NYAP2: variants seen among roughly 807,000 people sequenced by gnomAD.
NYAP2 encodes neuronal tyrosine-phosphorylated phosphoinositide-3-kinase adaptor 2, also known as neuronal tyrosine-phosphorylated phosphoinositide-3-kinase adapter 2.
In NYAP2, 23 loss-of-function variants were observed where a neutral mutation model predicts 50.4. The ratio of observed to expected loss-of-function variants is 0.46; its 90% CI spans 0.33 to 0.65. The LOEUF (loss-of-function observed/expected upper bound fraction) is 0.65, where lower values mean the gene tolerates loss of function less well. NYAP2 is among the 30% of genes least tolerant of loss of function. The probability of loss-of-function intolerance (pLI) is 0.02; values close to 1 mark genes in which losing one functional copy is unlikely to be tolerated. For synonymous variants in NYAP2, 394 were observed against 365.2 expected (o/e 1.08, Z -0.90); for missense variants, 885 against 861.0 (o/e 1.03, Z -0.35).
At chr2:225,559,424 G>T (rs1339343903) in intron 4 of NYAP2, among the ~76,000 whole-genome samples, 1 of 151,938 alleles carries the variant, frequency 6.6e-6, no homozygotes, top group Non-Finnish European at 1.5e-5. Context: ...AGAAAAAGCA[G>T]AAATATTTCT....
chr2:225,439,263 C>A (rs1458329054), intron 3 of NYAP2, among the ~76,000 whole-genome samples: 2 of 152,126 alleles, frequency 1.3e-5, no homozygotes, highest in Admixed American at 1.3e-4. Context: ...ATCATGGATT[C>A]TAAGCCAAAT....
the NYAP2 span, among the ~76,000 whole-genome samples, chr2:225,694,521 C>T: frequency 6.6e-6 from 1 of 151,556 alleles, no homozygotes; most frequent in Admixed American, 6.6e-5. Flanking sequence ...TGGAAATGGC[C>T]ACAGTAGCAA....
the NYAP2 span, chr2:225,701,468 C>T: frequency 2.0e-5 from 3 of 151,656 alleles, no homozygotes; most frequent in Non-Finnish European, 4.4e-5. Flanking sequence ...ATATGTGAAA[C>T]ACTCCTTAGC....
chr2:225,486,942 G>T (rs1690310678), intron 3 of NYAP2, among the ~76,000 whole-genome samples: 1 of 152,192 alleles, frequency 6.6e-6, no homozygotes, highest in African/African-American at 2.4e-5. Context: ...AGCCAGTAGT[G>T]CAGGAGAACA....
intron 3 of NYAP2, among the ~76,000 whole-genome samples, chr2:225,490,831 G>A: frequency 6.6e-6 from 1 of 152,202 alleles, no homozygotes; most frequent in East Asian, 1.9e-4. Context: ...TCCGTGACCT[G>A]AATGCTGCTG....
intron 3 of NYAP2, among the ~76,000 whole-genome samples, chr2:225,453,985 A>AT (rs1197985467): frequency 6.6e-6 from 1 of 151,556 alleles, no homozygotes; most frequent in Non-Finnish European, 1.5e-5. Context: ...CCATCTATTA[A>AT]TTTTTTTATA....
chr2:225,586,939 T>TG (rs932657511), intron 5 of NYAP2, among the ~76,000 whole-genome samples: 4 of 152,214 alleles, frequency 2.6e-5, no homozygotes, highest in Non-Finnish European at 2.9e-5. Flanking sequence ...TCCACATGGC[T>TG]GGGGAGGCCT....
At chr2:225,471,828 A>T (rs1277584247) in intron 3 of NYAP2, among the ~76,000 whole-genome samples, 1 of 152,190 alleles carries the variant, frequency 6.6e-6, no homozygotes, top group Non-Finnish European at 1.5e-5. Context: ...TCAAAGCCAT[A>T]TTCAGCTATC....
chr2:225,429,363 T>G (rs957527049), intron 3 of NYAP2, among the ~76,000 whole-genome samples: 2 of 152,234 alleles, frequency 1.3e-5, no homozygotes, highest in African/African-American at 4.8e-5. Flanking sequence ...CTTGAAAGTT[T>G]CCAAAGCCAC....
chr2:225,636,133 A>G (rs185371915), intron 6 of NYAP2, among the ~76,000 whole-genome samples: 14 of 152,306 alleles, frequency 9.2e-5, no homozygotes, highest in African/African-American at 3.4e-4. Context: ...CAATTATTCC[A>G]AAGAATGTTA....
intron 3 of NYAP2, among the ~76,000 whole-genome samples, chr2:225,411,500 A>G (rs1042532210): frequency 8.5e-5 from 13 of 152,226 alleles, no homozygotes; most frequent in African/African-American, 1.9e-4. Context: ...GCAGTTGAGT[A>G]AAGAATCTGG....
chr2:225,457,141 C>T (rs1689752080), intron 3 of NYAP2, among the ~76,000 whole-genome samples: 1 of 152,158 alleles, frequency 6.6e-6, no homozygotes. Context: ...AGGCACTGGT[C>T]CTACGCTATG....
At chr2:225,438,973 G>A (rs958320755) in intron 3 of NYAP2, among the ~76,000 whole-genome samples, 2 of 152,322 alleles carry the variant, frequency 1.3e-5, no homozygotes, top group Admixed American at 6.5e-5. Flanking sequence ...GAATGTTCCG[G>A]GTAAGTGAGA....
intron 6 of NYAP2, among the ~76,000 whole-genome samples, chr2:225,635,685 A>G (rs1693401670): frequency 6.6e-6 from 1 of 152,190 alleles, no homozygotes; most frequent in Non-Finnish European, 1.5e-5. Flanking sequence ...TTTTTCAACA[A>G]AGATTTGTGG....
At chr2:225,636,136 G>A (rs942532170) in intron 6 of NYAP2, among the ~76,000 whole-genome samples, 8 of 152,094 alleles carry the variant, frequency 5.3e-5, no homozygotes, top group African/African-American at 7.2e-5. Flanking sequence ...TTATTCCAAA[G>A]AATGTTATAA....
the NYAP2 span, among the ~76,000 whole-genome samples, chr2:225,698,100 C>T: frequency 0.013 from 2,002 of 151,844 alleles, 43 homozygotes; most frequent in African/African-American, 0.046. Context: ...ATCACTTGAG[C>T]CCAGGAGGTT....
At chr2:225,405,023 C>A (rs1694917165) in intron 2 of NYAP2, among the ~76,000 whole-genome samples, 1 of 152,024 alleles carries the variant, frequency 6.6e-6, no homozygotes. Flanking sequence ...TTGTGCATTG[C>A]AAAGAGAACA....
intron 4 of NYAP2, among the ~76,000 whole-genome samples, chr2:225,523,033 A>G (rs1691093922): frequency 6.6e-6 from 1 of 152,112 alleles, no homozygotes. Context: ...GTGGAAACAA[A>G]TTGAGTGTGT....
chr2:225,640,869 A>G (rs1054792172), intron 6 of NYAP2, among the ~76,000 whole-genome samples: 2 of 152,210 alleles, frequency 1.3e-5, no homozygotes, highest in African/African-American at 2.4e-5. Context: ...TATACTATAT[A>G]GATACCCTGA....
Sources: gnomAD v4.1 joint callset for allele counts (sites outside exome capture counted in the v4.1 genomes callset) on GRCh38, gnomAD v4.1.1 for gene constraint, MANE v1.5 for transcripts, NCBI Gene and HGNC (gene_info 2026-07-23, HGNC 2026-07-21) for gene names.